Variants in CCL28 observed in about 807,000 individuals in gnomAD.
CCL28 encodes C-C motif chemokine ligand 28.
In CCL28, 4 loss-of-function variants were observed where a neutral mutation model predicts 7.1. The ratio of observed to expected loss-of-function variants is 0.56; its 90% CI spans 0.28 to 1.29. CCL28 has a LOEUF of 1.29. CCL28 is among the 50% of genes most tolerant of loss of function. CCL28 has a pLI of 0.11. For synonymous variants in CCL28, 55 were observed against 57.8 expected, an observed-to-expected ratio of 0.95 and a Z score of 0.22; for missense variants, 151 against 163.4, an observed-to-expected ratio of 0.92 and a Z score of 0.41.
At position 43,383,332 on chromosome 5, in the gene CCL28, C is replaced by T. The variant is rs868084368; in HGVS notation, c.192-1280G>A. 4.7e-4 allele frequency among the ~76,000 whole-genome samples: 72 copies of T among 152,058 alleles called. 1 individual carries two copies. Among genetic ancestry groups the T allele is most frequent in the African/African-American group, 1.6e-3 (67 of 41,374 alleles). On this transcript the variant is annotated intron_variant, in intron 2 of 2. Transcript: ENST00000361115. ...TATCCAGATAAATTGAAACTTCTGACCCTGTTATTCAGGGAAAAAACAGAG... is the reference window on the plus strand; with the variant it reads ...TATCCAGATAAATTGAAACTTCTGATCCTGTTATTCAGGGAAAAAACAGAG...
chr5:43,408,135 C>T (rs1579755853), intron 1 of CCL28, among the ~76,000 whole-genome samples: 1 of 152,230 alleles, frequency 6.6e-6, no homozygotes, highest in Non-Finnish European at 1.5e-5. Flanking sequence ...CATCCCATTA[C>T]TGGGCATTTA....
At chr5:43,390,959 T>G (rs1740546914) in intron 1 of CCL28, among the ~76,000 whole-genome samples, 1 of 152,328 alleles carries the variant, frequency 6.6e-6, no homozygotes, top group South Asian at 2.1e-4. Context: ...AAATCAGTAT[T>G]TAAATCATAT....
intron 1 of CCL28, among the ~76,000 whole-genome samples, chr5:43,398,677 C>T (rs1375066750): frequency 6.6e-6 from 1 of 152,076 alleles, no homozygotes; most frequent in Non-Finnish European, 1.5e-5. Context: ...GGTGAAACCC[C>T]ATCTCTACTA....
chr5:43,407,280 A>T (rs759647861), intron 1 of CCL28, among the ~76,000 whole-genome samples: 1 of 152,152 alleles, frequency 6.6e-6, no homozygotes, highest in Non-Finnish European at 1.5e-5. Context: ...GCATGGTACT[A>T]GTACCAAAAC....
chr5:43,397,594 T>TA (rs1285677410), intron 1 of CCL28, among the ~76,000 whole-genome samples: 1 of 152,164 alleles, frequency 6.6e-6, no homozygotes, highest in East Asian at 1.9e-4. Context: ...GCAATATTTT[T>TA]AAAAATAAAA....
chr5:43,360,756 G>T, the CCL28 span, among the ~76,000 whole-genome samples: 1 of 151,916 alleles, frequency 6.6e-6, no homozygotes, highest in South Asian at 2.1e-4. Context: ...CACATCCTTT[G>T]CCCACTTTCT....
chr5:43,393,593 G>T (rs1406538887), intron 1 of CCL28, among the ~76,000 whole-genome samples: 1 of 152,116 alleles, frequency 6.6e-6, no homozygotes, highest in Non-Finnish European at 1.5e-5. Flanking sequence ...GACCTCAAAT[G>T]ATCCACCCAC....
chr5:43,404,996 C>T (rs551002603), intron 1 of CCL28, among the ~76,000 whole-genome samples: 6 of 152,144 alleles, frequency 3.9e-5, no homozygotes, highest in Non-Finnish European at 8.8e-5. Flanking sequence ...CAGGAGCACC[C>T]AGATTCATAA....
At chr5:43,383,486 TA>T (rs1740204962) in intron 2 of CCL28, among the ~76,000 whole-genome samples, 1 of 152,104 alleles carries the variant, frequency 6.6e-6, no homozygotes, top group African/African-American at 2.4e-5. Context: ...AGCTTTAACA[TA>T]ATAAAGCCAG....
the CCL28 span, among the ~76,000 whole-genome samples, chr5:43,370,828 G>A: frequency 6.7e-6 from 1 of 148,806 alleles, no homozygotes; most frequent in African/African-American, 2.5e-5. Context: ...TGCAACCTCT[G>A]ACTCCTGGGT....
At chr5:43,404,206 TC>T (rs1156955852) in intron 1 of CCL28, among the ~76,000 whole-genome samples, 7 of 152,044 alleles carry the variant, frequency 4.6e-5, no homozygotes, top group Non-Finnish European at 1.0e-4. Context: ...CACATAATTG[TC>T]AGATTCACCA....
chr5:43,361,510 A>G, the CCL28 span, among the ~76,000 whole-genome samples: 1 of 152,060 alleles, frequency 6.6e-6, no homozygotes, highest in East Asian at 1.9e-4. Flanking sequence ...CCTATTTATC[A>G]ATTTTTGCTT....
chr5:43,374,516 C>T (rs1046675488), downstream of CCL28, among the ~76,000 whole-genome samples: 20 of 152,360 alleles, frequency 1.3e-4, no homozygotes, highest in African/African-American at 1.7e-4. Flanking sequence ...GGTGCAGTGG[C>T]TCACGCCTGT....
intron 1 of CCL28, among the ~76,000 whole-genome samples, chr5:43,401,579 C>G (rs1369776504): frequency 6.6e-6 from 1 of 152,162 alleles, no homozygotes; most frequent in Non-Finnish European, 1.5e-5. Context: ...GTGGTCCTAG[C>G]ATCTACCTCA....
At chr5:43,365,612 T>C in the CCL28 span, among the ~76,000 whole-genome samples, 467 of 152,284 alleles carry the variant, frequency 3.1e-3, 2 homozygotes, top group Admixed American at 6.0e-3. Context: ...ATTTCAACCT[T>C]GGTGAATCTG....
chr5:43,378,979 T>C (rs1739997278), downstream of CCL28, among the ~76,000 whole-genome samples: 1 of 151,656 alleles, frequency 6.6e-6, no homozygotes, highest in African/African-American at 2.4e-5. Context: ...AAAATAAAAA[T>C]AAAAATAAAA....
downstream of CCL28, among the ~76,000 whole-genome samples, chr5:43,375,151 A>G (rs1379857275): frequency 6.6e-6 from 1 of 151,690 alleles, no homozygotes; most frequent in Non-Finnish European, 1.5e-5. Flanking sequence ...CACCATGCTC[A>G]GCTAATTTTT....
At chr5:43,378,122 C>T (rs541568153), downstream of CCL28, among the ~76,000 whole-genome samples, 7 of 133,336 alleles carry the variant, frequency 5.2e-5, no homozygotes, top group East Asian at 3.9e-4. Context: ...ATGGGAGGAT[C>T]GCTTAAGCCC....
intron 1 of CCL28, among the ~76,000 whole-genome samples, chr5:43,390,234 T>C (rs1740519630): frequency 6.6e-6 from 1 of 152,194 alleles, no homozygotes; most frequent in Non-Finnish European, 1.5e-5. Flanking sequence ...TGGTCAGGTA[T>C]ATAATGGAAA....
Sources: allele counts gnomAD v4.1 joint callset (sites outside exome capture counted in the v4.1 genomes callset), GRCh38; gene constraint gnomAD v4.1.1; transcripts MANE v1.5; gene names NCBI Gene and HGNC (gene_info 2026-07-23, HGNC 2026-07-21).